The following PAK1 variants were observed in gnomAD, a reference collection of about 807,000 sequenced individuals.
The protein encoded by PAK1 is p21 (RAC1) activated kinase 1.
PAK1 carries 29 observed loss-of-function variants against 67.4 expected under a neutral mutation model. The observed-to-expected ratio is 0.43, with a 90% CI of 0.32 to 0.59. The LOEUF (loss-of-function observed/expected upper bound fraction) is 0.59, where lower values mean the gene tolerates loss of function less well. Among genes scored for constraint, PAK1 ranks in the 20% least tolerant of loss-of-function variants. The pLI, the probability that PAK1 is intolerant of heterozygous loss-of-function variation, is 0.07. For synonymous variants in PAK1, 223 were observed against 237.4 expected (o/e 0.94, Z 0.56); for missense variants, 337 against 670.7 (o/e 0.50, Z 5.50).
At chr11:77,398,377 C>G (rs517511) in intron 1 of PAK1, among the ~76,000 whole-genome samples, 104,119 of 152,074 alleles carry the variant, frequency 0.68, 36,188 homozygotes, top group African/African-American at 0.79. Context: ...ATCTTTCTGT[C>G]CCTGGCTTAT....
At chr11:77,526,961 T>C in the PAK1 span, among the ~76,000 whole-genome samples, 1 of 152,038 alleles carries the variant, frequency 6.6e-6, no homozygotes, top group Admixed American at 6.6e-5. Flanking sequence ...AAGCCTCCTT[T>C]TTCTGGAGAG....
the PAK1 span, among the ~76,000 whole-genome samples, chr11:77,509,549 T>C: frequency 6.6e-6 from 1 of 152,176 alleles, no homozygotes. Flanking sequence ...CTCACACAGA[T>C]AACTGGTGAT....
At chr11:77,479,940 G>C in the PAK1 span, among the ~76,000 whole-genome samples, 3 of 152,122 alleles carry the variant, frequency 2.0e-5, no homozygotes, top group Admixed American at 6.6e-5. Flanking sequence ...TAAGTACTTT[G>C]AGTCATCAAC....
intron 1 of PAK1, among the ~76,000 whole-genome samples, chr11:77,461,755 C>T (rs1244623152): frequency 6.6e-6 from 1 of 152,064 alleles, no homozygotes; most frequent in Admixed American, 6.5e-5. Context: ...TGAAACAAAG[C>T]CCTGTTATTT....
chr11:77,382,493 G>A (rs886808393), intron 2 of PAK1, among the ~76,000 whole-genome samples: 2 of 152,070 alleles, frequency 1.3e-5, no homozygotes, highest in African/African-American at 4.8e-5. Flanking sequence ...AGGATTTCCT[G>A]ACCTTTCTTC....
At chr11:77,327,310 G>GC (rs1470327086) in intron 14 of PAK1, among the ~76,000 whole-genome samples, 1 of 152,210 alleles carries the variant, frequency 6.6e-6, no homozygotes, top group East Asian at 1.9e-4. Flanking sequence ...CTCGAGAAGA[G>GC]CAACTCCAAG....
chr11:77,468,371 G>A (rs1221393694), intron 1 of PAK1, among the ~76,000 whole-genome samples: 1 of 152,166 alleles, frequency 6.6e-6, no homozygotes, highest in East Asian at 1.9e-4. Context: ...CTCAAGAAGG[G>A]ATAATCCGGA....
intron 1 of PAK1, among the ~76,000 whole-genome samples, chr11:77,409,678 A>G (rs901283656): frequency 8.5e-5 from 13 of 152,194 alleles, no homozygotes; most frequent in African/African-American, 3.1e-4. Context: ...GGTAAAAAAA[A>G]AGCCAGGTAC....
At chr11:77,496,018 A>AATT in the PAK1 span, among the ~76,000 whole-genome samples, 1 of 119,036 alleles carries the variant, frequency 8.4e-6, no homozygotes, top group African/African-American at 3.9e-5. Context: ...TGAACTGTAC[A>AATT]CTTTTTTTTT....
chr11:77,436,535 A>C (rs1181071398), intron 1 of PAK1, among the ~76,000 whole-genome samples: 2 of 152,222 alleles, frequency 1.3e-5, no homozygotes, highest in Non-Finnish European at 2.9e-5. Context: ...GAATTTTCAT[A>C]AAGTGACTAC....
chr11:77,408,031 G>A (rs951356911), intron 1 of PAK1: 1 of 152,198 alleles, frequency 6.6e-6, no homozygotes, highest in Non-Finnish European at 1.5e-5. Context: ...GGGTATAAGA[G>A]AATAGATATC....
chr11:77,501,313 C>T, the PAK1 span, among the ~76,000 whole-genome samples: 1 of 152,154 alleles, frequency 6.6e-6, no homozygotes, highest in Non-Finnish European at 1.5e-5. Context: ...CCACTATCTG[C>T]CAGAGGGGAG....
chr11:77,398,056 A>C (rs1391491152), intron 1 of PAK1, among the ~76,000 whole-genome samples: 1 of 152,206 alleles, frequency 6.6e-6, no homozygotes, highest in Non-Finnish European at 1.5e-5. Context: ...AATGCAAAAT[A>C]ATCATATCAT....
intron 1 of PAK1, among the ~76,000 whole-genome samples, chr11:77,409,746 CATG>C (rs1274714690): frequency 6.6e-6 from 1 of 151,768 alleles, no homozygotes; most frequent in East Asian, 1.9e-4. Flanking sequence ...AAGTAGATCT[CATG>C]ATGATACAGA....
intron 1 of PAK1, among the ~76,000 whole-genome samples, chr11:77,458,612 T>G (rs1217060762): frequency 6.6e-6 from 1 of 152,206 alleles, no homozygotes; most frequent in African/African-American, 2.4e-5. Context: ...ATGTTAATAA[T>G]CCTACCATTA....
intron 14 of PAK1, among the ~76,000 whole-genome samples, chr11:77,331,743 A>T (rs186097025): frequency 0.017 from 2,599 of 151,928 alleles, 65 homozygotes; most frequent in African/African-American, 0.06. Flanking sequence ...TATGTAACAA[A>T]CCTGCACGTT....
intron 1 of PAK1, among the ~76,000 whole-genome samples, chr11:77,448,024 G>C (rs561773366): frequency 3.3e-5 from 5 of 152,238 alleles, no homozygotes; most frequent in Non-Finnish European, 5.9e-5. Flanking sequence ...GTGTGTTTTT[G>C]ATGTGCACAG....
intron 1 of PAK1, among the ~76,000 whole-genome samples, chr11:77,440,598 T>C (rs1278102051): frequency 2.6e-5 from 4 of 152,316 alleles, no homozygotes; most frequent in Admixed American, 6.5e-5. Flanking sequence ...TGATTCTAAA[T>C]AGAACTCTTA....
chr11:77,391,590 T>C (rs1444200616), intron 2 of PAK1, among the ~76,000 whole-genome samples: 1 of 152,210 alleles, frequency 6.6e-6, no homozygotes, highest in African/African-American at 2.4e-5. Context: ...AACAGCCACT[T>C]AAATCAACAT....
Sources: allele counts gnomAD v4.1 joint callset (sites outside exome capture counted in the v4.1 genomes callset), GRCh38; gene constraint gnomAD v4.1.1; transcripts MANE v1.5; gene names NCBI Gene and HGNC (gene_info 2026-07-23, HGNC 2026-07-21).